MLXIPL: variants seen among roughly 807,000 people sequenced by gnomAD.
MLXIPL encodes the protein MLX interacting protein like.
A neutral mutation model predicts 81.5 loss-of-function variants in MLXIPL; 49 were observed. The ratio of observed to expected loss-of-function variants is 0.60; its 90% CI spans 0.48 to 0.76. MLXIPL has a LOEUF of 0.76. Ranked by LOEUF, MLXIPL falls within the 30% of genes least tolerant of loss-of-function variation. MLXIPL has a pLI of 0.00. For missense variants in MLXIPL, 1,053 were observed against 1,167.0 expected (o/e 0.90, Z 1.42); for synonymous variants, 466 against 485.5 (o/e 0.96, Z 0.53).
chr7:73,599,418 G>T, intron 8 of MLXIPL, 108 bp downstream of exon 8: 1 of 1,377,988 alleles, frequency 7.3e-7, no homozygotes, highest in Non-Finnish European at 1.0e-6. Context: ...CAATCTCCAA[G>T]CAGAAGACTG....
rs782267570 is a variant in MLXIPL, at chr7:73,599,592, G to C, written c.1005C>G (p.Thr335=). The change falls in exon 8 of 17, where the codon ACC becomes ACG. Residue 335 remains threonine (T), a synonymous_variant. Transcript: ENST00000313375. ...PVVDSLFSSG[T]LGPEVPPASS... is the part of the protein sequence containing the mutation. ...AAGCCGGGGGCACCTCTGGGCCCAG[G>C]GTCCCACTGCTGAAGAGGGAGTCAA... 6.2e-7 allele frequency: 1 copy of C among 1,612,790 alleles called. No individual in the cohort carries two copies. The highest frequency in any genetic ancestry group is 8.5e-7 in the Non-Finnish European group (1 of 1,179,350).
Position 73,624,230 on chromosome 7 carries a change from C to G in MLXIPL, c.263G>C (p.Arg88Pro). The part of the protein sequence containing the change: ...GPRSIDPTLT[R>P]LFECLSLAYS... The stretch of plus-strand genomic sequence containing the variant: ...GGCCAGGCTCAAGCACTCGAAGAGG[C>G]GTGTGAGTGTGGGGTCGATACTGCG... Residue 88 changes from arginine (R) to proline (P), a missense_variant, in exon 1 of 17, where the codon CGC (arginine) becomes CCC (proline). Coordinates refer to ENST00000313375, the MANE Select transcript of MLXIPL (RefSeq NM_032951.3). The G allele has an allele frequency of 2.5e-6, 4 of 1,581,224 alleles. No homozygotes were observed. Among genetic ancestry groups the G allele is most frequent in the Non-Finnish European group, 3.4e-6 (4 of 1,163,606 alleles).
intron 2 of MLXIPL, among the ~76,000 whole-genome samples, chr7:73,614,992 A>T (rs1443201307): frequency 6.6e-6 from 1 of 152,030 alleles, no homozygotes; most frequent in Non-Finnish European, 1.5e-5. Context: ...TTGTATTTTT[A>T]GTAGACACCG....
chr7:73,599,422 A>G (rs1446020478), intron 8 of MLXIPL, 104 bp downstream of exon 8: 15 of 1,406,358 alleles, frequency 1.1e-5, no homozygotes, highest in Non-Finnish European at 1.5e-5. Context: ...CTCCAAGCAG[A>G]AGACTGGGCA....
intron 2 of MLXIPL, among the ~76,000 whole-genome samples, chr7:73,608,232 A>G (rs1486119871): frequency 2.0e-5 from 3 of 152,048 alleles, no homozygotes; most frequent in Non-Finnish European, 4.4e-5. Context: ...CCATAGGTAC[A>G]CTTGCAAAGA....
rs201200467 is a variant in MLXIPL, at chr7:73,599,508, G to A, written c.1071+18C>T. 2.0e-4 allele frequency: 325 copies of A among 1,611,748 alleles called. 1 individual carries two copies. Among genetic ancestry groups the A allele is most frequent in the Admixed American group, 7.5e-4 (45 of 59,940 alleles). On this transcript the variant is annotated intron_variant, in intron 8 of 16. Transcript: ENST00000313375. ...TCAAGTGAGCTACACAGGGCTGGAC[G>A]GGGTGGGGTGAGCTCACCTGCAGAC...
chr7:73,618,814 C>T (rs1273568227), intron 1 of MLXIPL, among the ~76,000 whole-genome samples: 4 of 152,140 alleles, frequency 2.6e-5, no homozygotes, highest in African/African-American at 9.7e-5. Context: ...TGTCTGTATC[C>T]CAGCAACCTC....
the MLXIPL span, among the ~76,000 whole-genome samples, chr7:73,637,577 T>G: frequency 6.6e-6 from 1 of 152,206 alleles, no homozygotes; most frequent in African/African-American, 2.4e-5. Flanking sequence ...CAATGTGGCT[T>G]CATGGTCATT....
At chr7:73,607,699 C>T (rs1554598813) in intron 2 of MLXIPL, 27 bp from the exon 3 acceptor site, 1 of 1,604,016 alleles carries the variant, frequency 6.2e-7, no homozygotes, top group Non-Finnish European at 8.5e-7. Flanking sequence ...AGGTCAGGGG[C>T]ACCCAGCTTC....
At chr7:73,637,296 G>A in the MLXIPL span, among the ~76,000 whole-genome samples, 20 of 151,676 alleles carry the variant, frequency 1.3e-4, no homozygotes, top group Non-Finnish European at 2.4e-4. Context: ...TGGCCAACAC[G>A]GCGAAACCCC....
In MLXIPL at chr7:73,607,033, A is replaced by C. The variant is rs201048358; in HGVS notation, c.574-15T>G. 1 of 1,612,928 alleles carries C rather than the reference A, an allele frequency of 6.2e-7. No individual in the cohort carries two copies. The highest frequency in any genetic ancestry group is 1.3e-5 in the African/African-American group (1 of 75,000). Reference sequence around the variant, plus strand: ...GGCTTACGGAGCTGCAGGGACACACAGAGTTGGACACCGGATCCCTTGCCC... The same window carrying C: ...GGCTTACGGAGCTGCAGGGACACACCGAGTTGGACACCGGATCCCTTGCCC... On this transcript the variant is annotated splice_polypyrimidine_tract_variant and intron_variant, in intron 4 of 16. Transcript: ENST00000313375.
At chr7:73,594,531 CATGT>C (rs1296109329) in intron 15 of MLXIPL, 128 bp from the exon 16 acceptor site, 7 of 1,138,630 alleles carry the variant, frequency 6.1e-6, no homozygotes, top group Non-Finnish European at 7.6e-6. Context: ...CCCAATGACT[CATGT>C]TGCAGCCCCT....
chr7:73,633,053 C>G, the MLXIPL span, among the ~76,000 whole-genome samples: 1 of 145,850 alleles, frequency 6.9e-6, no homozygotes, highest in African/African-American at 2.5e-5. Flanking sequence ...AGCGCCGGGA[C>G]TATAGGAGTG....
intron 2 of MLXIPL, among the ~76,000 whole-genome samples, chr7:73,613,930 A>G (rs72649041): frequency 1.2e-3 from 181 of 152,312 alleles, no homozygotes; most frequent in Middle Eastern, 3.4e-3. Context: ...TGAGGTCAGG[A>G]GTTCGAGACC....
At chr7:73,613,993 G>A (rs146399973) in intron 2 of MLXIPL, among the ~76,000 whole-genome samples, 2 of 152,244 alleles carry the variant, frequency 1.3e-5, no homozygotes, top group African/African-American at 4.8e-5. Flanking sequence ...AAAATTTGGC[G>A]GGTGCCTGTA....
chr7:73,627,190 C>A (rs1223904869), upstream of MLXIPL, among the ~76,000 whole-genome samples: 1 of 152,076 alleles, frequency 6.6e-6, no homozygotes, highest in East Asian at 1.9e-4. Flanking sequence ...ATGCTCACCC[C>A]ACTCTCCCTC....
At chr7:73,631,049 C>T in the MLXIPL span, among the ~76,000 whole-genome samples, 1 of 151,286 alleles carries the variant, frequency 6.6e-6, no homozygotes, top group Non-Finnish European at 1.5e-5. Context: ...TGCTCTGTCA[C>T]CCAGGCTGGA....
the MLXIPL span, among the ~76,000 whole-genome samples, chr7:73,629,586 A>G: frequency 6.6e-6 from 1 of 152,140 alleles, no homozygotes; most frequent in Non-Finnish European, 1.5e-5. Context: ...TTAAAAAATT[A>G]GCTATTTGTG....
rs371703916 is a variant in MLXIPL at position 73,607,632 on chromosome 7, G to T, written c.441C>A (p.Thr147=). Residue 147 remains threonine, a synonymous_variant, in exon 3 of 17, where the codon ACC becomes ACA. Transcript: ENST00000313375. ...RRKSPVCGFV[T]PLQGPEADAH... Reference sequence around the variant, plus strand: ...CATCAGCCTCAGGCCCCTGCAGGGGGGTCACGAAGCCACACACGGGGCTCT... The same window carrying T: ...CATCAGCCTCAGGCCCCTGCAGGGGTGTCACGAAGCCACACACGGGGCTCT... The T allele has an allele frequency of 2.7e-5, 44 of 1,613,374 alleles. No homozygotes were observed. Among genetic ancestry groups the T allele is most frequent in the Middle Eastern group, 1.7e-4 (1 of 6,060 alleles).
Sources: allele counts gnomAD v4.1 joint callset (sites outside exome capture counted in the v4.1 genomes callset), GRCh38; gene constraint gnomAD v4.1.1; transcripts MANE v1.5; gene names NCBI Gene and HGNC (gene_info 2026-07-23, HGNC 2026-07-21).